ARL15: variants seen among roughly 807,000 people sequenced by gnomAD.
ARL15 encodes the protein ARF like GTPase 15, also known as ADP-ribosylation factor-like protein 15.
Under a neutral mutation model 25.2 loss-of-function variants are expected in ARL15, and 19 were observed. That is an observed-to-expected ratio of 0.75 (90% CI 0.53 to 1.10). The LOEUF is 1.10. ARL15 is among the 50% of genes least tolerant of loss of function. ARL15 has a pLI of 0.00. For synonymous variants in ARL15, 94 were observed against 86.8 expected (o/e 1.08, Z -0.46); for missense variants, 220 against 246.0 (o/e 0.89, Z 0.71).
At chr5:54,008,339 G>A (rs1170708675) in intron 4 of ARL15, among the ~76,000 whole-genome samples, 5 of 152,188 alleles carry the variant, frequency 3.3e-5, no homozygotes, top group African/African-American at 1.2e-4. Flanking sequence ...CTCTTTAAGT[G>A]TTAATGCATT....
At chr5:53,968,702 G>A (rs1399025085) in intron 4 of ARL15, among the ~76,000 whole-genome samples, 2 of 151,706 alleles carry the variant, frequency 1.3e-5, no homozygotes, top group Non-Finnish European at 2.9e-5. Flanking sequence ...GTAGAGACGG[G>A]GTTTGACCAT....
At chr5:53,899,347 C>CAAAAAAAAAAAAAAAAAAAAA (rs59145507) in intron 4 of ARL15, among the ~76,000 whole-genome samples, 1 of 89,396 alleles carries the variant, frequency 1.1e-5, no homozygotes, top group African/African-American at 5.5e-5. Flanking sequence ...GACTCTATCC[C>CAAAAAAAAAAAAAAAAAAAAA]AAAAAAAAAA....
chr5:54,156,307 T>A (rs1346732520), intron 2 of ARL15, among the ~76,000 whole-genome samples: 1 of 152,214 alleles, frequency 6.6e-6, no homozygotes, highest in Non-Finnish European at 1.5e-5. Context: ...GCTCTGTGAA[T>A]GTGGGCAACC....
At chr5:54,122,897 C>T (rs1753126934) in intron 3 of ARL15, among the ~76,000 whole-genome samples, 1 of 152,082 alleles carries the variant, frequency 6.6e-6, no homozygotes, top group South Asian at 2.1e-4. Flanking sequence ...ATAAAATACC[C>T]CAAGATTCTC....
At chr5:54,266,496 C>T (rs1757630811) in intron 1 of ARL15, among the ~76,000 whole-genome samples, 1 of 152,134 alleles carries the variant, frequency 6.6e-6, no homozygotes, top group African/African-American at 2.4e-5. Context: ...CATGAGAAAT[C>T]CCAGAAACCG....
At chr5:53,908,129 C>T (rs1276246335) in intron 4 of ARL15, among the ~76,000 whole-genome samples, 2 of 152,162 alleles carry the variant, frequency 1.3e-5, no homozygotes, top group Non-Finnish European at 2.9e-5. Context: ...GAAAGAGAGA[C>T]CACATTTGTT....
intron 3 of ARL15, among the ~76,000 whole-genome samples, chr5:54,130,004 C>T (rs930303369): frequency 1.1e-4 from 17 of 152,028 alleles, no homozygotes; most frequent in African/African-American, 4.1e-4. Context: ...TTGGGGAGGC[C>T]AAGGTGGGAA....
intron 4 of ARL15, among the ~76,000 whole-genome samples, chr5:54,001,899 C>G (rs765191843): frequency 2.0e-5 from 3 of 152,188 alleles, no homozygotes; most frequent in Non-Finnish European, 4.4e-5. Context: ...TTGCTAGATT[C>G]TCGTGTTGGC....
intron 4 of ARL15, among the ~76,000 whole-genome samples, chr5:54,051,850 G>A (rs953158052): frequency 1.3e-5 from 2 of 152,142 alleles, no homozygotes; most frequent in African/African-American, 4.8e-5. Context: ...AATGTTTGTA[G>A]CAACCTTATG....
At chr5:54,259,370 A>G (rs1024890998) in intron 1 of ARL15, among the ~76,000 whole-genome samples, 21 of 152,364 alleles carry the variant, frequency 1.4e-4, no homozygotes, top group African/African-American at 5.0e-4. Flanking sequence ...ATATATAAGT[A>G]AACTGGAAAA....
chr5:54,276,422 A>C (rs966170244), intron 1 of ARL15, among the ~76,000 whole-genome samples: 3 of 152,248 alleles, frequency 2.0e-5, no homozygotes, highest in Non-Finnish European at 4.4e-5. Context: ...TCTATCTGAC[A>C]AATTTTTAAC....
chr5:53,926,599 T>C (rs1231279275), intron 4 of ARL15, among the ~76,000 whole-genome samples: 2 of 152,164 alleles, frequency 1.3e-5, no homozygotes, highest in Non-Finnish European at 2.9e-5. Flanking sequence ...GGAATTGACA[T>C]GATAGCAAAT....
intron 4 of ARL15, among the ~76,000 whole-genome samples, chr5:53,947,171 T>G (rs1227912364): frequency 7.3e-5 from 3 of 41,158 alleles, no homozygotes; most frequent in African/African-American, 1.4e-4. Flanking sequence ...AATAAGGGTG[T>G]GTGTGTGTGT....
chr5:54,251,928 G>A (rs1188082441), intron 1 of ARL15, among the ~76,000 whole-genome samples: 1 of 152,218 alleles, frequency 6.6e-6, no homozygotes, highest in Non-Finnish European at 1.5e-5. Context: ...TGCTGCCCAT[G>A]GGATTCCCAT....
intron 3 of ARL15, among the ~76,000 whole-genome samples, chr5:54,143,323 T>C (rs553375303): frequency 7.9e-5 from 12 of 152,210 alleles, no homozygotes; most frequent in African/African-American, 2.9e-4. Flanking sequence ...GTTATCTTAG[T>C]ATATCAATAT....
Position 54,154,614 on chromosome 5 carries a change from G to A in ARL15, c.219C>T (p.Phe73=). ...CTTTTACATTCAAGATGGCATTCTG[G>A]AATGGCACTGCTTTAATACTAAAAC... ...TTGFSIKAVP[F]QNAILNVKEL... Residue 73 remains phenylalanine, a synonymous_variant, in exon 3 of 5, where the codon TTC becomes TTT. Coordinates refer to ENST00000504924, the MANE Select transcript of ARL15 (RefSeq NM_019087.3). 1 of 1,528,084 alleles carries A rather than the reference G, an allele frequency of 6.5e-7. No individual in the cohort carries two copies. Among genetic ancestry groups the A allele is most frequent in the Non-Finnish European group, 8.8e-7 (1 of 1,138,916 alleles). 94.7% of individuals were successfully genotyped at this position (1,528,084 alleles called of 1,614,324 possible).
intron 4 of ARL15, among the ~76,000 whole-genome samples, chr5:53,891,423 C>T (rs540042683): frequency 6.6e-6 from 1 of 152,310 alleles, no homozygotes; most frequent in East Asian, 1.9e-4. Flanking sequence ...TACGCCACCC[C>T]TAGTTCTACT....
chr5:54,256,694 A>G (rs1399771989), intron 1 of ARL15, among the ~76,000 whole-genome samples: 1 of 152,148 alleles, frequency 6.6e-6, no homozygotes, highest in Non-Finnish European at 1.5e-5. Context: ...AGACTCAACA[A>G]AACACTAGCA....
chr5:54,038,725 C>CATAT (rs370309855), intron 4 of ARL15, among the ~76,000 whole-genome samples: 39 of 149,300 alleles, frequency 2.6e-4, no homozygotes, highest in East Asian at 7.8e-4. Context: ...TATTTGTAAA[C>CATAT]ATATATATAT....
Sources: gnomAD v4.1 joint callset for allele counts (sites outside exome capture counted in the v4.1 genomes callset) on GRCh38, gnomAD v4.1.1 for gene constraint, MANE v1.5 for transcripts, NCBI Gene and HGNC (gene_info 2026-07-23, HGNC 2026-07-21) for gene names.